The following NIM1K variants were observed in gnomAD, a reference collection of about 807,000 sequenced individuals.
The protein encoded by NIM1K is NIM1 serine/threonine protein kinase.
A neutral mutation model predicts 37.1 loss-of-function variants in NIM1K; 35 were observed. The observed-to-expected ratio is 0.94, with a 90% confidence interval of 0.72 to 1.25. NIM1K has a LOEUF of 1.25. Among genes scored for constraint, NIM1K ranks in the 50% most tolerant of loss-of-function variants. NIM1K has a pLI of 0.00. For synonymous variants in NIM1K, 234 were observed against 206.6 expected (o/e 1.13, Z -1.14); for missense variants, 564 against 548.0 (o/e 1.03, Z -0.29).
intron 2 of NIM1K, among the ~76,000 whole-genome samples, chr5:43,269,765 C>A (rs1753227489): frequency 6.6e-6 from 1 of 152,012 alleles, no homozygotes; most frequent in Non-Finnish European, 1.5e-5. Flanking sequence ...ACTACAGACA[C>A]CCGCCACTAC....
chr5:43,248,996 C>T lies in NIM1K; in HGVS notation c.292+2929C>T, dbSNP rs545144178. The stretch of plus-strand genomic sequence containing the variant: ...TTCAAGTGATTCTCCTGCCTCATCC[C>T]GAGTAGCTGGGATTACAGACATGTG... On this transcript the variant is annotated intron_variant, in intron 2 of 3. Coordinates refer to ENST00000326035, the MANE Select transcript of NIM1K (RefSeq NM_153361.4). 4.6e-5 allele frequency among the ~76,000 whole-genome samples: 7 copies of T among 151,682 alleles called. No homozygotes were observed. In the South Asian group the frequency reaches 6.3e-4, roughly 14 times the overall value.
intron 2 of NIM1K, among the ~76,000 whole-genome samples, chr5:43,276,364 C>G (rs1753340458): frequency 6.6e-6 from 1 of 152,198 alleles, no homozygotes; most frequent in South Asian, 2.1e-4. Context: ...GGGGAACATG[C>G]CACAAGATCC....
At chr5:43,201,408 CA>C (rs59067037) in intron 1 of NIM1K, among the ~76,000 whole-genome samples, 140,778 of 144,030 alleles carry the variant, frequency 0.98, 68,806 homozygotes, top group South Asian at 1. Flanking sequence ...GACTCCGTCT[CA>C]AAAAAAAAAA....
intron 2 of NIM1K, among the ~76,000 whole-genome samples, chr5:43,249,774 G>A (rs765366534): frequency 1.3e-5 from 2 of 152,034 alleles, no homozygotes; most frequent in Non-Finnish European, 2.9e-5. Context: ...AGGAGACTGT[G>A]GAGAAGGGTG....
At chr5:43,268,164 A>G (rs186772287) in intron 2 of NIM1K, among the ~76,000 whole-genome samples, 43 of 152,326 alleles carry the variant, frequency 2.8e-4, no homozygotes, top group Non-Finnish European at 5.4e-4. Flanking sequence ...GGATTATAAT[A>G]TTCTCTTGTC....
At chr5:43,219,061 C>T (rs1371695482) in intron 1 of NIM1K, among the ~76,000 whole-genome samples, 1 of 152,122 alleles carries the variant, frequency 6.6e-6, no homozygotes, top group Non-Finnish European at 1.5e-5. Context: ...CCCGCTTTTG[C>T]TCAGCACTTC....
chr5:43,263,082 G>T (rs1421991188), intron 2 of NIM1K, among the ~76,000 whole-genome samples: 1 of 151,948 alleles, frequency 6.6e-6, no homozygotes, highest in African/African-American at 2.4e-5. Context: ...TTTTTTTGTT[G>T]TGTCTCTTCC....
intron 2 of NIM1K, among the ~76,000 whole-genome samples, chr5:43,257,814 A>G (rs1752968772): frequency 6.6e-6 from 1 of 150,458 alleles, no homozygotes; most frequent in East Asian, 1.9e-4. Flanking sequence ...GTCCACAGCT[A>G]CTTGGGAGAC....
intron 1 of NIM1K, among the ~76,000 whole-genome samples, chr5:43,223,493 T>C (rs930430088): frequency 6.6e-6 from 1 of 152,242 alleles, no homozygotes; most frequent in African/African-American, 2.4e-5. Flanking sequence ...TAAATTTCAA[T>C]AAAATTTTGG....
At chr5:43,273,916 A>ATCTT (rs1236931806) in intron 2 of NIM1K, among the ~76,000 whole-genome samples, 21 of 152,056 alleles carry the variant, frequency 1.4e-4, no homozygotes, top group Admixed American at 6.5e-5. Flanking sequence ...AATAGTGTTT[A>ATCTT]TCTTTTTCAC....
At chr5:43,219,218 T>G (rs1373321733) in intron 1 of NIM1K, among the ~76,000 whole-genome samples, 1 of 152,114 alleles carries the variant, frequency 6.6e-6, no homozygotes, top group African/African-American at 2.4e-5. Context: ...CCTTTATAAA[T>G]TTTCAGTTCG....
chr5:43,206,655 G>GC, intron 1 of NIM1K: 1 of 682,806 alleles, frequency 1.5e-6, no homozygotes, highest in Non-Finnish European at 2.7e-6. Flanking sequence ...GCCTGACTCG[G>GC]CCCCCCAGTC....
chr5:43,207,309 T>C (rs570282320), intron 1 of NIM1K: 4 of 763,744 alleles, frequency 5.2e-6, no homozygotes, highest in Admixed American at 1.7e-5. Context: ...TTGTGTGAAA[T>C]AGTCAAACTA....
chr5:43,209,713 G>C (rs1465641293), intron 1 of NIM1K, among the ~76,000 whole-genome samples: 1 of 152,052 alleles, frequency 6.6e-6, no homozygotes, highest in Admixed American at 6.6e-5. Context: ...CCACCTCCCA[G>C]GTCCAAGTGA....
chr5:43,274,195 T>A (rs975453525), intron 2 of NIM1K, among the ~76,000 whole-genome samples: 1 of 152,088 alleles, frequency 6.6e-6, no homozygotes, highest in Non-Finnish European at 1.5e-5. Flanking sequence ...TAGACCTGGC[T>A]CTGGGAGGGA....
intron 1 of NIM1K, chr5:43,207,222 C>G (rs754240527): frequency 1.7e-5 from 13 of 753,496 alleles, no homozygotes; most frequent in Middle Eastern, 2.7e-4. Flanking sequence ...TTGGCATATA[C>G]CTGGGACATC....
At chr5:43,266,048 G>A (rs778563369) in intron 2 of NIM1K, among the ~76,000 whole-genome samples, 26 of 151,926 alleles carry the variant, frequency 1.7e-4, no homozygotes, top group South Asian at 4.1e-4. Context: ...GGGAGGTGCC[G>A]CTCAGGCTAC....
At position 43,209,179 on chromosome 5, in the gene NIM1K, C is replaced by G. The variant is rs148029323; in HGVS notation, c.-695+16768C>G. On this transcript the variant is annotated intron_variant, in intron 1 of 3. Coordinates refer to ENST00000326035, the MANE Select transcript of NIM1K (RefSeq NM_153361.4). ...ACCTCAGCAGCCTTCCAAGGGAAAA[C>G]CATAATCAGGTTGTTTTTATTGTCT... Among the ~76,000 whole-genome samples, 992 of 152,300 alleles carry G rather than the reference C, an allele frequency of 6.5e-3. 9 individuals carry two copies. Among genetic ancestry groups the G allele is most frequent in the African/African-American group, 0.023 (955 of 41,550 alleles).
At chr5:43,238,651 T>C (rs1752654845) in intron 1 of NIM1K, among the ~76,000 whole-genome samples, 1 of 151,938 alleles carries the variant, frequency 6.6e-6, no homozygotes, top group Non-Finnish European at 1.5e-5. Context: ...GCTCCCTGCG[T>C]GTGCATGAAA....
Sources: allele counts gnomAD v4.1 joint callset (sites outside exome capture counted in the v4.1 genomes callset), GRCh38; gene constraint gnomAD v4.1.1; transcripts MANE v1.5; gene names NCBI Gene and HGNC (gene_info 2026-07-23, HGNC 2026-07-21).